Variants in PTPN13 observed in about 807,000 individuals in gnomAD.
PTPN13 encodes protein tyrosine phosphatase non-receptor type 13.
In PTPN13, 191 loss-of-function variants were observed where a neutral mutation model predicts 284.0. That is an observed-to-expected ratio of 0.67 (90% CI 0.60 to 0.76). The LOEUF is 0.76. Among genes scored for constraint, PTPN13 ranks in the 30% least tolerant of loss-of-function variants. The pLI, the probability that PTPN13 is intolerant of heterozygous loss-of-function variation, is 0.00. For synonymous variants in PTPN13, 986 were observed against 1,022.3 expected (o/e 0.96, Z 0.68); for missense variants, 2,797 against 2,939.9 (o/e 0.95, Z 1.12).
intron 3 of PTPN13, among the ~76,000 whole-genome samples, chr4:86,679,595 C>T (rs1331267392): frequency 6.6e-6 from 1 of 152,222 alleles, no homozygotes; most frequent in East Asian, 1.9e-4. Flanking sequence ...AACAGTTCCT[C>T]TATGCCATAT....
At chr4:86,638,344 G>T (rs1409273333) in intron 2 of PTPN13, among the ~76,000 whole-genome samples, 2 of 151,960 alleles carry the variant, frequency 1.3e-5, no homozygotes, top group Non-Finnish European at 2.9e-5. Flanking sequence ...AGTTCATATG[G>T]AACCAAAAAA....
At chr4:86,612,743 C>T (rs942978682) in intron 1 of PTPN13, among the ~76,000 whole-genome samples, 7 of 152,180 alleles carry the variant, frequency 4.6e-5, no homozygotes, top group Admixed American at 1.3e-4. Context: ...AATTGGGTTA[C>T]GTACAGAGGA....
At chr4:86,633,145 T>G (rs1722641931) in intron 1 of PTPN13, among the ~76,000 whole-genome samples, 1 of 152,154 alleles carries the variant, frequency 6.6e-6, no homozygotes, top group Non-Finnish European at 1.5e-5. Context: ...TTTTTAGAAT[T>G]TTTGTGCAAC....
At chr4:86,740,783 G>C (rs1736089776) in intron 15 of PTPN13, among the ~76,000 whole-genome samples, 1 of 151,972 alleles carries the variant, frequency 6.6e-6, no homozygotes, top group African/African-American at 2.4e-5. Flanking sequence ...GCCTTTAACA[G>C]CACCCAAGTC....
intron 1 of PTPN13, among the ~76,000 whole-genome samples, chr4:86,618,996 T>TGTCTTGTG (rs1012318150): frequency 2.0e-5 from 3 of 152,194 alleles, no homozygotes; most frequent in African/African-American, 7.2e-5. Context: ...AGTGCATCCC[T>TGTCTTGTG]GTCTTGTGCC....
At chr4:86,666,786 C>A (rs1727132687) in intron 2 of PTPN13, among the ~76,000 whole-genome samples, 1 of 152,096 alleles carries the variant, frequency 6.6e-6, no homozygotes, top group Admixed American at 6.5e-5. Flanking sequence ...TAAAGGGTGG[C>A]CACCCCGCCC....
chr4:86,775,516 G>A lies in PTPN13; in HGVS notation c.5755G>A (p.Ala1919Thr), dbSNP rs767268088. The change falls in exon 35 of 48, where the codon GCA becomes ACA. Residue 1919 changes from alanine to threonine, a missense_variant. Physicochemically the swap from Ala to Thr is moderately conservative, Grantham distance 58. Transcript: ENST00000411767. ...YISDINPRSV[A>T]AIEGNLQLLD... ...TAGTGATATTAATCCAAGGTCCGTC[G>A]CAGCCATTGAGGGTAATCTCCAGCT... The A allele has an allele frequency of 3.3e-5, 53 of 1,612,348 alleles. No individual in the cohort carries two copies. The highest frequency in any genetic ancestry group is 9.4e-5 in the African/African-American group (7 of 74,842).
At chr4:86,799,337 T>C in intron 42 of PTPN13, 133 bp downstream of exon 42, 1 of 533,550 alleles carries the variant, frequency 1.9e-6, no homozygotes, top group Non-Finnish European at 3.1e-6. Flanking sequence ...TTTTTTTCTT[T>C]TTTTGAGACA....
chr4:86,771,409 A>C lies in PTPN13; in HGVS notation c.5042A>C (p.Gln1681Pro). The C allele has an allele frequency of 6.4e-7, 1 of 1,566,838 alleles. No homozygotes were observed. ...SNSTWSSALH[Q>P]TLSNMVSQAQ... ...TCGACCTGGAGTTCAGCTTTGCATC[A>C]GACTCTAAGCAACATGGTATCACAG... Residue 1681 changes from glutamine (Q) to proline (P), a missense_variant, in exon 31 of 48, where the codon CAG (glutamine) becomes CCG (proline). Gln to Pro is a moderately conservative substitution (Grantham distance 76). Coordinates refer to ENST00000411767, the MANE Select transcript of PTPN13 (RefSeq NM_080683.3).
chr4:86,716,486 G>A, intron 7 of PTPN13, 44 bp from the exon 8 acceptor site: 1 of 1,115,588 alleles, frequency 9.0e-7, no homozygotes, highest in Non-Finnish European at 1.3e-6. Context: ...ATGTGGAATA[G>A]CTAATGAGTT....
At chr4:86,792,189 A>G (rs1355440743) in intron 40 of PTPN13, among the ~76,000 whole-genome samples, 1 of 152,254 alleles carries the variant, frequency 6.6e-6, no homozygotes, top group East Asian at 1.9e-4. Context: ...TGAAAACCAC[A>G]GCACGAGAAC....
At chr4:86,611,791 A>C (rs1719915369) in intron 1 of PTPN13, among the ~76,000 whole-genome samples, 1 of 152,208 alleles carries the variant, frequency 6.6e-6, no homozygotes, top group Non-Finnish European at 1.5e-5. Context: ...GTACTAGAGA[A>C]GTGAGAACTG....
At chr4:86,613,417 C>T (rs566234436) in intron 1 of PTPN13, among the ~76,000 whole-genome samples, 6 of 152,036 alleles carry the variant, frequency 3.9e-5, no homozygotes, top group East Asian at 1.9e-4. Context: ...GGGCAGATCA[C>T]GAAGTCAGGA....
At chr4:86,683,405 A>C (rs1218865054) in intron 3 of PTPN13, among the ~76,000 whole-genome samples, 1 of 152,192 alleles carries the variant, frequency 6.6e-6, no homozygotes, top group Admixed American at 6.5e-5. Context: ...CCAAAGGAGG[A>C]AAACACTGAT....
intron 40 of PTPN13, among the ~76,000 whole-genome samples, chr4:86,795,861 G>A (rs570977848): frequency 2.0e-5 from 3 of 152,206 alleles, no homozygotes; most frequent in African/African-American, 4.8e-5. Context: ...GACACAGGGC[G>A]GGGAATGTCA....
At chr4:86,752,241 T>C (rs922884746) in intron 19 of PTPN13, among the ~76,000 whole-genome samples, 1 of 152,190 alleles carries the variant, frequency 6.6e-6, no homozygotes, top group East Asian at 1.9e-4. Flanking sequence ...TTAATTTATC[T>C]CTAATTACCC....
intron 3 of PTPN13, among the ~76,000 whole-genome samples, chr4:86,685,036 A>T (rs1729296109): frequency 6.6e-6 from 1 of 152,140 alleles, no homozygotes; most frequent in South Asian, 2.1e-4. Context: ...CTCTTCTATA[A>T]ATCCAACTCC....
In PTPN13 at chr4:86,762,995, G is replaced by T. The variant is rs201633051; in HGVS notation, c.3822G>T (p.Trp1274Cys). 7,217 of 1,613,714 alleles carry T rather than the reference G, an allele frequency of 4.5e-3. 25 individuals are homozygous for T. Among genetic ancestry groups the T allele is most frequent in the Non-Finnish European group, 5.1e-3 (6,015 of 1,179,826 alleles). ...CCAGCCATTTAGGTGACCAAACCTG[G>T]CAGGAATCACAGCATGGCAGCCCTT... ...FFASHLGDQTWQESQHGSPSP... is the reference protein window; with the variant it reads ...FFASHLGDQTCQESQHGSPSP... The change falls in exon 24 of 48, where the codon TGG (tryptophan) becomes TGT (cysteine). Residue 1274 changes from tryptophan (W) to cysteine (C), a missense_variant. Coordinates refer to ENST00000411767, the MANE Select transcript of PTPN13 (RefSeq NM_080683.3).
intron 6 of PTPN13, among the ~76,000 whole-genome samples, chr4:86,700,586 A>G (rs1402228993): frequency 6.6e-6 from 1 of 152,092 alleles, no homozygotes; most frequent in Non-Finnish European, 1.5e-5. Flanking sequence ...AGAGGAAAAA[A>G]CTTTTTTAGT....
Sources: allele counts gnomAD v4.1 joint callset (sites outside exome capture counted in the v4.1 genomes callset), GRCh38; gene constraint gnomAD v4.1.1; transcripts MANE v1.5; gene names NCBI Gene and HGNC (gene_info 2026-07-23, HGNC 2026-07-21).